CACNA2D3: variants seen among roughly 807,000 people sequenced by gnomAD.
CACNA2D3 encodes calcium voltage-gated channel auxiliary subunit alpha2delta 3.
In CACNA2D3, 60 loss-of-function variants were observed where a neutral mutation model predicts 160.6. The observed-to-expected ratio is 0.37, with a 90% CI of 0.30 to 0.46. CACNA2D3 has a LOEUF of 0.46. CACNA2D3 is among the 20% of genes least tolerant of loss of function. The pLI, the probability that CACNA2D3 is intolerant of heterozygous loss-of-function variation, is 1.00. For synonymous variants in CACNA2D3, 558 were observed against 492.9 expected, an observed-to-expected ratio of 1.13 and a Z score of -1.75; for missense variants, 1,205 against 1,365.0, an observed-to-expected ratio of 0.88 and a Z score of 1.85.
chr3:54,276,188 C>T (rs886408504), intron 2 of CACNA2D3, among the ~76,000 whole-genome samples: 2 of 152,088 alleles, frequency 1.3e-5, no homozygotes, highest in African/African-American at 4.8e-5. Flanking sequence ...CTCCCACTGC[C>T]CCCTTGTTGA....
At chr3:54,605,125 C>A (rs1314787178) in intron 9 of CACNA2D3, among the ~76,000 whole-genome samples, 1 of 152,150 alleles carries the variant, frequency 6.6e-6, no homozygotes, top group African/African-American at 2.4e-5. Flanking sequence ...CTTCACGTGG[C>A]ATTCTGTGTG....
chr3:54,665,843 C>A (rs1700060296), intron 11 of CACNA2D3, among the ~76,000 whole-genome samples: 1 of 151,530 alleles, frequency 6.6e-6, no homozygotes, highest in African/African-American at 2.4e-5. Context: ...GTTCCGCCAC[C>A]CAGGCTGGAT....
intron 35 of CACNA2D3, among the ~76,000 whole-genome samples, chr3:55,067,932 A>G (rs1327600159): frequency 1.3e-5 from 2 of 152,238 alleles, no homozygotes; most frequent in Non-Finnish European, 2.9e-5. Context: ...GCATATGGCT[A>G]GAAGCAAGGG....
intron 9 of CACNA2D3, among the ~76,000 whole-genome samples, chr3:54,624,256 C>T (rs542752778): frequency 2.0e-5 from 3 of 152,264 alleles, no homozygotes; most frequent in African/African-American, 7.2e-5. Context: ...AAAAAAGCAA[C>T]CATTGCCTGA....
Position 55,002,126 on chromosome 3 carries a change from A to G in CACNA2D3, c.2691-2637A>G, listed in dbSNP as rs547894270. On this transcript the variant is annotated intron_variant, in intron 31 of 37. Coordinates refer to ENST00000474759, the MANE Select transcript of CACNA2D3 (RefSeq NM_018398.3). ...AGCCAAGACCATGCCATTGCACTCC[A>G]GCTTGGGTGACAGAGAGTGAGACTC... 6.9e-4 allele frequency among the ~76,000 whole-genome samples: 105 copies of G among 151,440 alleles called. 1 individual carries two copies. The highest frequency in any genetic ancestry group is 6.8e-3 in the Middle Eastern group (2 of 292).
At position 54,742,237 on chromosome 3, in the gene CACNA2D3, G is replaced by T. The variant is rs561811273; in HGVS notation, c.1168-10362G>T. Among the ~76,000 whole-genome samples, 5 of 152,218 alleles carry T rather than the reference G, an allele frequency of 3.3e-5. No homozygotes were observed. The South Asian group carries it at 1.0e-3, about 32-fold the overall frequency. The stretch of plus-strand genomic sequence containing the variant: ...AGTTCAAGACCAGCCTGGCCAACAT[G>T]GCGAAACCCCATTTCTACTAAAAAT... On this transcript the variant is annotated intron_variant, in intron 11 of 37. Transcript: ENST00000474759.
intron 3 of CACNA2D3, among the ~76,000 whole-genome samples, chr3:54,330,758 A>G (rs1206087100): frequency 1.3e-5 from 2 of 152,128 alleles, no homozygotes; most frequent in African/African-American, 2.4e-5. Context: ...CTCTGTTAGG[A>G]TGCCTTTTGA....
intron 9 of CACNA2D3, among the ~76,000 whole-genome samples, chr3:54,592,339 A>G (rs2106757745): frequency 6.6e-6 from 1 of 152,240 alleles, no homozygotes; most frequent in South Asian, 2.1e-4. Context: ...ACAGCACACC[A>G]TCCCTGAAGA....
intron 2 of CACNA2D3, among the ~76,000 whole-genome samples, chr3:54,305,655 T>C (rs1417359937): frequency 6.6e-6 from 1 of 152,240 alleles, no homozygotes; most frequent in African/African-American, 2.4e-5. Flanking sequence ...CAGATCACCA[T>C]TCACACACTG....
At chr3:54,308,992 A>G (rs6445646) in intron 2 of CACNA2D3, among the ~76,000 whole-genome samples, 25,513 of 152,262 alleles carry the variant, frequency 0.17, 2,330 homozygotes, top group East Asian at 0.33. Flanking sequence ...GTTGGTGTGC[A>G]TAAAGACACT....
chr3:54,256,143 T>C (rs1702289444), intron 2 of CACNA2D3, among the ~76,000 whole-genome samples: 1 of 152,182 alleles, frequency 6.6e-6, no homozygotes, highest in African/African-American at 2.4e-5. Flanking sequence ...GAACCTGAAA[T>C]TGGTGACACT....
intron 35 of CACNA2D3, among the ~76,000 whole-genome samples, chr3:55,051,826 C>T (rs886870276): frequency 5.1e-4 from 78 of 152,174 alleles, no homozygotes; most frequent in African/African-American, 1.8e-3. Flanking sequence ...TTTTTAAGCC[C>T]GTCGGAAAAG....
chr3:54,165,114 ATTTTTTT>A (rs397961895), intron 2 of CACNA2D3, among the ~76,000 whole-genome samples: 116 of 117,864 alleles, frequency 9.8e-4, no homozygotes, highest in Middle Eastern at 4.8e-3. Flanking sequence ...TCTGAATCTC[ATTTTTTT>A]TTTTTTTTTT....
At chr3:54,630,955 A>G (rs1171405648) in intron 10 of CACNA2D3, among the ~76,000 whole-genome samples, 1 of 152,126 alleles carries the variant, frequency 6.6e-6, no homozygotes, top group East Asian at 1.9e-4. Flanking sequence ...TAATCCCAGC[A>G]CTTTGGGAGG....
chr3:54,127,565 G>A (rs1699619510), intron 2 of CACNA2D3, among the ~76,000 whole-genome samples: 1 of 152,188 alleles, frequency 6.6e-6, no homozygotes, highest in Non-Finnish European at 1.5e-5. Flanking sequence ...TCTTGTGGGG[G>A]AGGCGCTGTT....
chr3:54,961,032 G>A (rs556598981), intron 27 of CACNA2D3, among the ~76,000 whole-genome samples: 83 of 152,268 alleles, frequency 5.5e-4, no homozygotes, highest in Admixed American at 9.8e-4. Context: ...ATTCAGATTC[G>A]TTGTTAGTTC....
chr3:54,476,045 G>GC, intron 4 of CACNA2D3, among the ~76,000 whole-genome samples: 1 of 45,988 alleles, frequency 2.2e-5, no homozygotes, highest in South Asian at 1.2e-3. Flanking sequence ...CTGTAAGTTT[G>GC]ATTTTTTTTT....
chr3:54,540,585 G>A (rs1429970625), intron 5 of CACNA2D3, among the ~76,000 whole-genome samples: 12 of 152,130 alleles, frequency 7.9e-5, no homozygotes, highest in Admixed American at 3.9e-4. Context: ...TAAAATGGTC[G>A]GGTAAATAGG....
At chr3:54,904,151 A>C (rs1046066302) in intron 27 of CACNA2D3, among the ~76,000 whole-genome samples, 9 of 152,328 alleles carry the variant, frequency 5.9e-5, no homozygotes, top group African/African-American at 2.2e-4. Context: ...AGCACACACA[A>C]GAGAAGAGAA....
Sources: allele counts gnomAD v4.1 joint callset (sites outside exome capture counted in the v4.1 genomes callset), GRCh38; gene constraint gnomAD v4.1.1; transcripts MANE v1.5; gene names NCBI Gene and HGNC (gene_info 2026-07-23, HGNC 2026-07-21).